The following CACNG3 variants were observed in gnomAD, a reference collection of about 807,000 sequenced individuals.
The protein encoded by CACNG3 is calcium voltage-gated channel auxiliary subunit gamma 3, also known as voltage-dependent calcium channel gamma-3 subunit.
In CACNG3, 3 loss-of-function variants were observed where a neutral mutation model predicts 28.5. That is an observed-to-expected ratio of 0.11 (90% CI 0.05 to 0.27). The LOEUF is 0.27. Among genes scored for constraint, CACNG3 ranks in the 10% least tolerant of loss-of-function variants. The pLI is 1.00. For missense variants in CACNG3, 236 were observed against 414.4 expected (o/e 0.57, Z 3.74); for synonymous variants, 174 against 162.2 (o/e 1.07, Z -0.55).
intron 1 of CACNG3, among the ~76,000 whole-genome samples, chr16:24,291,943 A>G (rs957939637): frequency 1.3e-5 from 2 of 152,018 alleles, no homozygotes; most frequent in Admixed American, 1.3e-4. Flanking sequence ...GTTAAGGAGG[A>G]TGGAAGTTTG....
At chr16:24,336,199 T>C (rs1899705027) in intron 1 of CACNG3, among the ~76,000 whole-genome samples, 1 of 150,568 alleles carries the variant, frequency 6.6e-6, no homozygotes, top group African/African-American at 2.4e-5. Context: ...CACTCCAGCC[T>C]GGGCAGCAGA....
intron 2 of CACNG3, among the ~76,000 whole-genome samples, chr16:24,349,772 G>T (rs1002532589): frequency 2.6e-5 from 4 of 152,164 alleles, no homozygotes; most frequent in Non-Finnish European, 5.9e-5. Context: ...TGTATCTTGT[G>T]TTGACCCCCT....
At chr16:24,290,952 G>T (rs1898957712) in intron 1 of CACNG3, among the ~76,000 whole-genome samples, 1 of 152,110 alleles carries the variant, frequency 6.6e-6, no homozygotes. Flanking sequence ...TCCAGTGAAG[G>T]CAGATGGCAA....
At chr16:24,342,848 G>T (rs546106853) in intron 1 of CACNG3, among the ~76,000 whole-genome samples, 1 of 151,584 alleles carries the variant, frequency 6.6e-6, no homozygotes, top group Non-Finnish European at 1.5e-5. Flanking sequence ...CTTGGCTCAT[G>T]GGCTGTACAA....
At chr16:24,354,753 C>G in intron 2 of CACNG3, 80 bp from the exon 3 acceptor site, 1 of 1,425,662 alleles carries the variant, frequency 7.0e-7, no homozygotes, top group South Asian at 1.3e-5. Context: ...GCCTTCCTCT[C>G]AGGCACTCCT....
intron 1 of CACNG3, among the ~76,000 whole-genome samples, chr16:24,271,014 G>T (rs150470259): frequency 1.3e-5 from 2 of 152,278 alleles, no homozygotes; most frequent in African/African-American, 4.8e-5. Flanking sequence ...GAGAGAAGCA[G>T]ATCAGTTTAG....
intron 1 of CACNG3, among the ~76,000 whole-genome samples, chr16:24,294,627 C>G (rs2141356899): frequency 6.6e-6 from 1 of 152,252 alleles, no homozygotes; most frequent in South Asian, 2.1e-4. Flanking sequence ...TCTCAAACTC[C>G]CGGCCTCAAG....
chr16:24,268,165 A>G (rs1423284505), intron 1 of CACNG3, among the ~76,000 whole-genome samples: 3 of 152,286 alleles, frequency 2.0e-5, no homozygotes, highest in African/African-American at 7.2e-5. Context: ...TTTAAACTGT[A>G]CCTTCTTCTG....
At chr16:24,348,011 G>A (rs1044872271) in intron 2 of CACNG3, among the ~76,000 whole-genome samples, 22 of 152,162 alleles carry the variant, frequency 1.4e-4, no homozygotes, top group Non-Finnish European at 1.5e-5. Context: ...AAAATTCACT[G>A]CAGAGATGAG....
intron 1 of CACNG3, among the ~76,000 whole-genome samples, chr16:24,312,655 A>T (rs561997397): frequency 1.8e-4 from 27 of 151,740 alleles, no homozygotes; most frequent in African/African-American, 5.8e-4. Flanking sequence ...GTCTCTTAAA[A>T]ATTTTTTTTT....
chr16:24,330,637 G>A (rs1596645618), intron 1 of CACNG3, among the ~76,000 whole-genome samples: 2 of 152,346 alleles, frequency 1.3e-5, no homozygotes, highest in African/African-American at 2.4e-5. Flanking sequence ...GTTTTAAGAA[G>A]AGCCCAGGTG....
chr16:24,280,821 C>CAAA lies in CACNG3; in HGVS notation c.211+23878_211+23880dup, dbSNP rs71154295. 5.0e-4 allele frequency among the ~76,000 whole-genome samples: 28 copies of CAAA among 55,634 alleles called. 1 individual carries two copies. Among genetic ancestry groups the CAAA allele is most frequent in the African/African-American group, 1.3e-3 (18 of 13,784 alleles). 36.5% of individuals were successfully genotyped at this position (55,634 alleles called of 152,430 possible). On this transcript the variant is annotated intron_variant, in intron 1 of 3. Coordinates refer to ENST00000005284, the MANE Select transcript of CACNG3 (RefSeq NM_006539.4). ...TGGGTGACAGAGCAAGAGTTTGTCT[C>CAAA]AAAAAAAAAAAAAAAAAAAAAAAAG...
At chr16:24,286,832 A>T (rs1216898358) in intron 1 of CACNG3, among the ~76,000 whole-genome samples, 1 of 152,202 alleles carries the variant, frequency 6.6e-6, no homozygotes, top group Non-Finnish European at 1.5e-5. Context: ...TCCAAGACCT[A>T]CGCTCTTAAC....
intron 1 of CACNG3, among the ~76,000 whole-genome samples, chr16:24,317,104 T>C (rs1434293574): frequency 6.6e-6 from 1 of 152,192 alleles, no homozygotes; most frequent in Non-Finnish European, 1.5e-5. Flanking sequence ...ACTGTCATCA[T>C]CATTATTGCC....
rs182811417 is a variant in CACNG3, at chr16:24,353,778, T to C, written c.296-1055T>C. 3.9e-5 allele frequency among the ~76,000 whole-genome samples: 6 copies of C among 152,362 alleles called. No homozygotes were observed. In the East Asian group the frequency reaches 7.7e-4, roughly 20 times the overall value. ...ATGGGTGTTGTCATACTCTCTACTA[T>C]GCAAATGTAGATGCGTGCAGGGAAA... On this transcript the variant is annotated intron_variant, in intron 2 of 3. Transcript: ENST00000005284.
At chr16:24,352,939 T>G (rs141000923) in intron 2 of CACNG3, among the ~76,000 whole-genome samples, 6 of 152,250 alleles carry the variant, frequency 3.9e-5, no homozygotes, top group African/African-American at 1.4e-4. Context: ...TTGAAATTCT[T>G]AACAATTCTG....
chr16:24,355,125 T>C, intron 3 of CACNG3, 152 bp downstream of exon 3: 1 of 773,804 alleles, frequency 1.3e-6, no homozygotes, highest in Non-Finnish European at 2.0e-6. Flanking sequence ...AGAATTCCAT[T>C]AGAACCAAAG....
At chr16:24,269,102 G>T (rs1439893399) in intron 1 of CACNG3, among the ~76,000 whole-genome samples, 1 of 152,092 alleles carries the variant, frequency 6.6e-6, no homozygotes, top group Non-Finnish European at 1.5e-5. Flanking sequence ...GCTAAGATTT[G>T]GGCAGGCAAG....
chr16:24,343,453 C>T (rs1039085557), intron 1 of CACNG3, among the ~76,000 whole-genome samples: 6 of 152,082 alleles, frequency 3.9e-5, no homozygotes, highest in East Asian at 1.9e-4. Context: ...ATGAGGAGTA[C>T]GGAAATCAAC....
Sources: gnomAD v4.1 joint callset for allele counts (sites outside exome capture counted in the v4.1 genomes callset) on GRCh38, gnomAD v4.1.1 for gene constraint, MANE v1.5 for transcripts, NCBI Gene and HGNC (gene_info 2026-07-23, HGNC 2026-07-21) for gene names.